Variants in DPYSL5 observed in about 807,000 individuals in gnomAD.
DPYSL5 encodes the protein dihydropyrimidinase like 5.
A neutral mutation model predicts 58.4 loss-of-function variants in DPYSL5; 9 were observed. The ratio of observed to expected loss-of-function variants is 0.15; its 90% CI spans 0.09 to 0.27. The LOEUF (loss-of-function observed/expected upper bound fraction) is 0.27. DPYSL5 is among the 10% of genes least tolerant of loss of function. The probability of loss-of-function intolerance (pLI) is 1.00; values close to 1 mark genes in which losing one functional copy is unlikely to be tolerated. For synonymous variants in DPYSL5, 293 were observed against 301.9 expected (o/e 0.97, Z 0.31); for missense variants, 499 against 770.6 (o/e 0.65, Z 4.17).
intron 1 of DPYSL5, among the ~76,000 whole-genome samples, chr2:26,859,267 A>C (rs1665954585): frequency 6.6e-6 from 1 of 152,238 alleles, no homozygotes; most frequent in South Asian, 2.1e-4. Flanking sequence ...GTACAACCAC[A>C]AAAATCCTCA....
At chr2:26,937,328 C>A (rs1265285089) in intron 8 of DPYSL5, among the ~76,000 whole-genome samples, 1 of 151,534 alleles carries the variant, frequency 6.6e-6, no homozygotes, top group African/African-American at 2.4e-5. Context: ...CTTTTTAATC[C>A]CTTTTTAATC....
At chr2:26,875,669 T>C (rs1254023650) in intron 1 of DPYSL5, among the ~76,000 whole-genome samples, 1 of 152,160 alleles carries the variant, frequency 6.6e-6, no homozygotes, top group East Asian at 1.9e-4. Flanking sequence ...ACCTGCCTTC[T>C]GGGTTTGGTT....
intron 2 of DPYSL5, among the ~76,000 whole-genome samples, chr2:26,904,830 G>GA (rs750629793): frequency 6.6e-6 from 1 of 152,230 alleles, no homozygotes; most frequent in Non-Finnish European, 1.5e-5. Context: ...CTGAGCCCAG[G>GA]AAAGTTGAGG....
intron 8 of DPYSL5, among the ~76,000 whole-genome samples, chr2:26,937,795 C>T (rs1572719353): frequency 6.6e-6 from 1 of 150,920 alleles, no homozygotes; most frequent in Non-Finnish European, 1.5e-5. Context: ...CAGGGTCTCA[C>T]TCTGTCTCCC....
At chr2:26,912,954 A>G (rs1057151247) in intron 2 of DPYSL5, among the ~76,000 whole-genome samples, 1 of 152,228 alleles carries the variant, frequency 6.6e-6, no homozygotes, top group Non-Finnish European at 1.5e-5. Context: ...CTACTCCAGC[A>G]TTGTGTAAAG....
In DPYSL5 at chr2:26,933,063, C is replaced by T. The variant is rs1009761295; in HGVS notation, c.715-195C>T. Among the ~76,000 whole-genome samples the T allele has an allele frequency of 6.6e-6, 1 of 152,172 alleles. No individual in the cohort carries two copies. Among genetic ancestry groups the T allele is most frequent in the Non-Finnish European group, 1.5e-5 (1 of 68,020 alleles). On this transcript the variant is annotated intron_variant, in intron 6 of 12. Transcript: ENST00000288699. This position sits in a 1 kb window ranked among gnomAD's most constrained non-coding sequence, Gnocchi z 4.2. ...TGCTGGAGGCTGTTCTCTGCCTCCCCGTATCATGCAGTTCCTGCAACCTTG... is the reference window on the plus strand; with the variant it reads ...TGCTGGAGGCTGTTCTCTGCCTCCCTGTATCATGCAGTTCCTGCAACCTTG...
intron 8 of DPYSL5, among the ~76,000 whole-genome samples, chr2:26,937,249 ATTAT>A (rs994511207): frequency 6.6e-6 from 1 of 152,128 alleles, no homozygotes; most frequent in Non-Finnish European, 1.5e-5. Context: ...ATGTATTTTA[ATTAT>A]TTAAATTAAT....
chr2:26,929,995 G>T (rs891342416), intron 5 of DPYSL5, among the ~76,000 whole-genome samples: 1 of 152,236 alleles, frequency 6.6e-6, no homozygotes, highest in Non-Finnish European at 1.5e-5. Context: ...GAGGGATTGA[G>T]GGGGAGGCCT....
In DPYSL5 at chr2:26,924,955, G is replaced by T; in HGVS notation, c.330G>T (p.Val110=). 6.2e-7 allele frequency: 1 copy of T among 1,614,156 alleles called. No individual in the cohort carries two copies. Among genetic ancestry groups the T allele is most frequent in the Non-Finnish European group, 8.5e-7 (1 of 1,180,022 alleles). ...HVLPDKETSL[V]DAYEKCRGLA... ...TGCCCGACAAGGAGACCTCCCTTGT[G>T]GACGCTTATGAGAAGTGCCGAGGTC... The change falls in exon 3 of 13, where the codon GTG becomes GTT. Residue 110 remains valine (V), a synonymous_variant. Coordinates refer to ENST00000288699, the MANE Select transcript of DPYSL5 (RefSeq NM_020134.4). The surrounding 1 kb of genome is among the most constrained non-coding windows in gnomAD (Gnocchi z 4.7).
At chr2:26,929,587 G>C in intron 5 of DPYSL5, among the ~76,000 whole-genome samples, 1 of 152,222 alleles carries the variant, frequency 6.6e-6, no homozygotes, top group Non-Finnish European at 1.5e-5. Flanking sequence ...CACCACCACT[G>C]CCCCATCCCT....
At chr2:26,946,470 G>C (rs750142580) in intron 12 of DPYSL5, among the ~76,000 whole-genome samples, 1 of 151,974 alleles carries the variant, frequency 6.6e-6, no homozygotes, top group Non-Finnish European at 1.5e-5. Flanking sequence ...CTAAGTCATG[G>C]GATTTCAAGA....
intron 1 of DPYSL5, among the ~76,000 whole-genome samples, chr2:26,880,072 T>G (rs1663517521): frequency 6.6e-6 from 1 of 152,170 alleles, no homozygotes; most frequent in African/African-American, 2.4e-5. Context: ...TGATTTTTTG[T>G]AGAGACAGAG....
chr2:26,932,045 A>AAAGG (rs1297420882), intron 6 of DPYSL5, among the ~76,000 whole-genome samples: 1 of 63,802 alleles, frequency 1.6e-5, no homozygotes, highest in African/African-American at 6.8e-5. Context: ...GAAAAGAAAG[A>AAAGG]AAGGAAAGAA....
At chr2:26,867,646 G>C (rs1291710331) in intron 1 of DPYSL5, among the ~76,000 whole-genome samples, 1 of 151,628 alleles carries the variant, frequency 6.6e-6, no homozygotes. Flanking sequence ...TAGTAGAGAC[G>C]GGGTTTCACC....
chr2:26,888,962 G>A (rs916758869), intron 1 of DPYSL5, among the ~76,000 whole-genome samples: 2 of 151,968 alleles, frequency 1.3e-5, no homozygotes, highest in Non-Finnish European at 2.9e-5. Flanking sequence ...ACAGATGGAC[G>A]CCTTCTTGCT....
intron 2 of DPYSL5, among the ~76,000 whole-genome samples, chr2:26,919,300 G>A (rs562967145): frequency 6.0e-4 from 92 of 152,258 alleles, no homozygotes; most frequent in African/African-American, 2.0e-3. Flanking sequence ...AGGTTCCTGC[G>A]CCTTGCCAAG....
At chr2:26,868,607 T>G (rs972988022) in intron 1 of DPYSL5, among the ~76,000 whole-genome samples, 1 of 152,228 alleles carries the variant, frequency 6.6e-6, no homozygotes, top group Non-Finnish European at 1.5e-5. Flanking sequence ...CCCCACTGAA[T>G]TGAAATATCA....
intron 2 of DPYSL5, among the ~76,000 whole-genome samples, chr2:26,910,354 G>GTGA (rs1295113903): frequency 7.9e-5 from 12 of 152,082 alleles, no homozygotes; most frequent in African/African-American, 2.7e-4. Flanking sequence ...CCCATCAGTA[G>GTGA]TGACTCCATA....
intron 9 of DPYSL5, among the ~76,000 whole-genome samples, chr2:26,941,644 C>T (rs954899281): frequency 5.3e-5 from 8 of 152,202 alleles, no homozygotes; most frequent in African/African-American, 1.9e-4. Flanking sequence ...CCTGACTCAT[C>T]CGTGTGGGCA....
Sources: allele counts gnomAD v4.1 joint callset (sites outside exome capture counted in the v4.1 genomes callset), GRCh38; gene constraint gnomAD v4.1.1; non-coding constraint Gnocchi (gnomAD v3.1); transcripts MANE v1.5; gene names NCBI Gene and HGNC (gene_info 2026-07-23, HGNC 2026-07-21).